RASGRF2: variants seen among roughly 807,000 people sequenced by gnomAD.
RASGRF2 encodes ras-specific guanine nucleotide-releasing factor 2.
In RASGRF2, 76 loss-of-function variants were observed where a neutral mutation model predicts 151.0. The ratio of observed to expected loss-of-function variants is 0.50; its 90% CI spans 0.42 to 0.61. The LOEUF is 0.61. Among genes scored for constraint, RASGRF2 ranks in the 20% least tolerant of loss-of-function variants. RASGRF2 has a pLI of 0.00. For synonymous variants in RASGRF2, 504 were observed against 566.5 expected, an observed-to-expected ratio of 0.89 and a Z score of 1.57; for missense variants, 1,148 against 1,564.6, an observed-to-expected ratio of 0.73 and a Z score of 4.49.
intron 1 of RASGRF2, among the ~76,000 whole-genome samples, chr5:81,034,521 T>C (rs1297919900): frequency 6.6e-6 from 1 of 152,162 alleles, no homozygotes; most frequent in East Asian, 1.9e-4. Flanking sequence ...GCGGAACTAT[T>C]CACAATAGCA....
At chr5:81,045,598 A>G (rs544138021) in intron 2 of RASGRF2, among the ~76,000 whole-genome samples, 1 of 152,268 alleles carries the variant, frequency 6.6e-6, no homozygotes, top group Non-Finnish European at 1.5e-5. Context: ...GATTTGGTTA[A>G]TAATTGACTT....
chr5:81,190,940 T>G (rs1755141910), intron 18 of RASGRF2, among the ~76,000 whole-genome samples: 1 of 114,792 alleles, frequency 8.7e-6, no homozygotes, highest in Non-Finnish European at 2.2e-5. Context: ...TTCGATAGCT[T>G]CTTATCTCTG....
chr5:81,025,876 T>C (rs1750003202), intron 1 of RASGRF2, among the ~76,000 whole-genome samples: 1 of 151,856 alleles, frequency 6.6e-6, no homozygotes, highest in African/African-American at 2.4e-5. Context: ...CCCACCAAGC[T>C]AGTTTACCTA....
chr5:81,083,710 G>T (rs904847327), intron 7 of RASGRF2, among the ~76,000 whole-genome samples: 29 of 152,202 alleles, frequency 1.9e-4, no homozygotes, highest in African/African-American at 6.8e-4. Context: ...AGCTGCTCAT[G>T]TATTTATTTG....
At chr5:81,215,691 T>C (rs1484574800) in intron 23 of RASGRF2, among the ~76,000 whole-genome samples, 185 bp from the exon 24 acceptor site, 1 of 152,246 alleles carries the variant, frequency 6.6e-6, no homozygotes, top group African/African-American at 2.4e-5. Context: ...CCATATGTTG[T>C]TAACATTAAA....
chr5:81,000,609 T>G (rs1749048597), intron 1 of RASGRF2, among the ~76,000 whole-genome samples: 1 of 152,134 alleles, frequency 6.6e-6, no homozygotes, highest in Non-Finnish European at 1.5e-5. Context: ...TAACAATAAT[T>G]TATGTTTTTT....
intron 12 of RASGRF2, among the ~76,000 whole-genome samples, chr5:81,103,299 G>C (rs537553613): frequency 6.6e-6 from 1 of 151,608 alleles, no homozygotes; most frequent in Non-Finnish European, 1.5e-5. Context: ...TAGAATATAG[G>C]TATAGCTATA....
At chr5:80,995,454 A>G (rs1191145845) in intron 1 of RASGRF2, among the ~76,000 whole-genome samples, 8 of 151,432 alleles carry the variant, frequency 5.3e-5, no homozygotes, top group Non-Finnish European at 7.4e-5. Flanking sequence ...TGATATTCAT[A>G]TTTTAGAACC....
chr5:81,197,252 C>T (rs7724545), intron 18 of RASGRF2, among the ~76,000 whole-genome samples: 2,174 of 150,614 alleles, frequency 0.014, 49 homozygotes, highest in African/African-American at 0.051. Context: ...GTCAGGAGAT[C>T]GAGACCATCC....
At chr5:81,087,157 G>A in intron 9 of RASGRF2, 1 of 703,922 alleles carries the variant, frequency 1.4e-6, no homozygotes, top group African/African-American at 1.7e-5. Flanking sequence ...CACAATCATA[G>A]TAAAGCACGA....
At chr5:81,014,301 A>G (rs949554511) in intron 1 of RASGRF2, among the ~76,000 whole-genome samples, 4 of 152,220 alleles carry the variant, frequency 2.6e-5, no homozygotes, top group Non-Finnish European at 2.9e-5. Context: ...TTTACAAAAG[A>G]AAGAGGTTTA....
intron 17 of RASGRF2, among the ~76,000 whole-genome samples, chr5:81,154,241 T>C (rs2162717): frequency 0.35 from 52,486 of 152,062 alleles, 10,522 homozygotes; most frequent in African/African-American, 0.57. Context: ...ATACTCCATC[T>C]GATGAAAGTG....
chr5:81,202,794 T>C (rs1178527103), intron 19 of RASGRF2, among the ~76,000 whole-genome samples: 3 of 152,164 alleles, frequency 2.0e-5, no homozygotes, highest in Admixed American at 2.0e-4. Flanking sequence ...CATCTGAAGA[T>C]GGAGGCAGAG....
intron 1 of RASGRF2, among the ~76,000 whole-genome samples, chr5:81,016,023 G>T (rs1160949926): frequency 6.6e-6 from 1 of 152,162 alleles, no homozygotes; most frequent in Non-Finnish European, 1.5e-5. Context: ...AGAAGATGGT[G>T]ACAATGGCGA....
At chr5:81,062,016 A>C (rs173752) in intron 2 of RASGRF2, among the ~76,000 whole-genome samples, 40,272 of 125,636 alleles carry the variant, frequency 0.32, 7,687 homozygotes, top group Admixed American at 0.4. Context: ...AAAAAAAAAA[A>C]AAAAAAAACT....
chr5:81,140,609 A>C (rs1753863325), intron 17 of RASGRF2, among the ~76,000 whole-genome samples: 1 of 152,170 alleles, frequency 6.6e-6, no homozygotes. Context: ...GCCACGCAGC[A>C]AGCTAGATCA....
chr5:81,017,185 G>A (rs10474022), intron 1 of RASGRF2, among the ~76,000 whole-genome samples: 35,017 of 152,130 alleles, frequency 0.23, 5,225 homozygotes, highest in African/African-American at 0.43. Context: ...GTTTCCAGGT[G>A]CACTCTGGCA....
chr5:81,168,467 C>T (rs1423302595), intron 17 of RASGRF2, among the ~76,000 whole-genome samples: 5 of 152,064 alleles, frequency 3.3e-5, no homozygotes, highest in East Asian at 1.9e-4. Flanking sequence ...CACACCGCCA[C>T]GCTCAGCTAA....
intron 7 of RASGRF2, among the ~76,000 whole-genome samples, chr5:81,081,319 G>A (rs1193321449): frequency 6.6e-6 from 1 of 152,172 alleles, no homozygotes; most frequent in Non-Finnish European, 1.5e-5. Context: ...AGAGGCTGTG[G>A]AGACTAGGAA....
Sources: allele counts gnomAD v4.1 joint callset (sites outside exome capture counted in the v4.1 genomes callset), GRCh38; gene constraint gnomAD v4.1.1; transcripts MANE v1.5; gene names NCBI Gene and HGNC (gene_info 2026-07-23, HGNC 2026-07-21).